DLG1: variants seen among roughly 807,000 people sequenced by gnomAD.
DLG1 encodes disks large homolog 1.
A neutral mutation model predicts 123.4 loss-of-function variants in DLG1; 42 were observed. The observed-to-expected ratio is 0.34, with a 90% confidence interval of 0.27 to 0.44. DLG1 has a LOEUF of 0.44. DLG1 is among the 20% of genes least tolerant of loss of function. The pLI is 1.00. For synonymous variants in DLG1, 317 were observed against 356.2 expected (o/e 0.89, Z 1.24); for missense variants, 942 against 1,082.6 (o/e 0.87, Z 1.82).
intron 24 of DLG1, among the ~76,000 whole-genome samples, chr3:197,051,171 C>T (rs112974546): frequency 6.6e-6 from 1 of 152,110 alleles, no homozygotes; most frequent in Non-Finnish European, 1.5e-5. Context: ...GTCAGGAGTT[C>T]GAGACCAGCC....
At chr3:197,281,041 G>C (rs1485751970) in intron 4 of DLG1, among the ~76,000 whole-genome samples, 4 of 68,986 alleles carry the variant, frequency 5.8e-5, no homozygotes, top group Non-Finnish European at 8.8e-5. Context: ...TTTTTTTTTT[G>C]AGACGGAGTC....
chr3:197,296,527 G>C (rs1034173158), intron 2 of DLG1, 50 bp from the exon 3 acceptor site: 3 of 1,563,960 alleles, frequency 1.9e-6, no homozygotes, highest in Non-Finnish European at 2.6e-6. Context: ...TACAAAAAAA[G>C]TATCACATAC....
chr3:197,282,536 C>T, intron 4 of DLG1, 143 bp downstream of exon 4: 2 of 515,114 alleles, frequency 3.9e-6, no homozygotes, highest in African/African-American at 2.0e-5. Context: ...ATTTTTAACC[C>T]CATTCTCTTT....
intron 5 of DLG1, among the ~76,000 whole-genome samples, chr3:197,166,117 T>G (rs547809558): frequency 6.6e-6 from 1 of 152,072 alleles, no homozygotes; most frequent in East Asian, 1.9e-4. Context: ...CTGTGTGTGG[T>G]TGGAACCCAA....
chr3:197,142,605 A>T, intron 7 of DLG1, 113 bp downstream of exon 7: 1 of 706,570 alleles, frequency 1.4e-6, no homozygotes, highest in Non-Finnish European at 2.1e-6. Context: ...TGAACTGGGA[A>T]CTTAGAAAAT....
intron 5 of DLG1, among the ~76,000 whole-genome samples, chr3:197,155,854 C>T (rs1009572117): frequency 3.3e-5 from 5 of 152,100 alleles, no homozygotes; most frequent in Admixed American, 1.3e-4. Context: ...GAGACTGAGG[C>T]GGGAGAATCG....
intron 4 of DLG1, among the ~76,000 whole-genome samples, chr3:197,199,497 A>G (rs1458850492): frequency 6.6e-6 from 1 of 152,176 alleles, no homozygotes; most frequent in Non-Finnish European, 1.5e-5. Flanking sequence ...ATCCCAACAT[A>G]TCTCATTATG....
At chr3:197,201,341 G>A (rs1382548232) in intron 4 of DLG1, among the ~76,000 whole-genome samples, 10 of 152,168 alleles carry the variant, frequency 6.6e-5, no homozygotes, top group East Asian at 1.9e-4. Flanking sequence ...CCAAGATCGC[G>A]CCACTGCGCT....
intron 24 of DLG1, 111 bp downstream of exon 24, chr3:197,051,466 G>A (rs1727677748): frequency 1.3e-6 from 1 of 791,890 alleles, no homozygotes; most frequent in Non-Finnish European, 2.1e-6. Context: ...GATGATACTA[G>A]TTACTACGGG....
upstream of DLG1, chr3:197,299,181 C>T (rs529298595): frequency 6.6e-6 from 1 of 152,398 alleles, no homozygotes; most frequent in East Asian, 1.9e-4. Context: ...GAAGGGGAAT[C>T]TCGGGAAGCT....
chr3:197,150,786 A>G (rs1395799394), intron 5 of DLG1, among the ~76,000 whole-genome samples: 1 of 152,116 alleles, frequency 6.6e-6, no homozygotes, highest in African/African-American at 2.4e-5. Context: ...CAAATAACAC[A>G]TTATTTTCAG....
intron 1 of DLG1, 200 bp from the exon 2 acceptor site, chr3:197,297,435 T>C: frequency 1.4e-6 from 2 of 1,398,678 alleles, no homozygotes; most frequent in East Asian, 5.4e-5. Context: ...CCCTCCAAAT[T>C]AAGAACAGAC....
chr3:197,217,130 T>G (rs1734503335), intron 4 of DLG1, among the ~76,000 whole-genome samples: 1 of 152,248 alleles, frequency 6.6e-6, no homozygotes, highest in African/African-American at 2.4e-5. Flanking sequence ...TGACAAGAAC[T>G]TGGACCATCC....
intron 14 of DLG1, among the ~76,000 whole-genome samples, chr3:197,094,344 T>G (rs1285413488): frequency 6.6e-6 from 1 of 152,196 alleles, no homozygotes; most frequent in Non-Finnish European, 1.5e-5. Flanking sequence ...AGTCTCACTA[T>G]ATGGTTTGTT....
intron 19 of DLG1, 59 bp downstream of exon 19, chr3:197,069,160 C>T: frequency 8.3e-7 from 1 of 1,206,612 alleles, no homozygotes; most frequent in Non-Finnish European, 1.2e-6. Flanking sequence ...AATCCCTCCA[C>T]CCCTGCAGAG....
intron 4 of DLG1, among the ~76,000 whole-genome samples, chr3:197,253,656 A>G (rs1755488117): frequency 6.6e-6 from 1 of 152,196 alleles, no homozygotes; most frequent in South Asian, 2.1e-4. Flanking sequence ...TAATGGAAAT[A>G]GAGAACAGAT....
intron 18 of DLG1, chr3:197,071,085 T>G (rs749297099): frequency 5.3e-5 from 8 of 152,164 alleles, no homozygotes; most frequent in Non-Finnish European, 1.2e-4. Flanking sequence ...CTTTTAACTT[T>G]CTGTCCTATT....
chr3:197,250,396 C>T (rs1348206801), intron 4 of DLG1, among the ~76,000 whole-genome samples: 3 of 151,570 alleles, frequency 2.0e-5, no homozygotes, highest in African/African-American at 7.3e-5. Flanking sequence ...TGTGAAACCC[C>T]AGGTCTACTA....
intron 14 of DLG1, among the ~76,000 whole-genome samples, chr3:197,097,692 T>G (rs1428884886): frequency 2.7e-5 from 4 of 150,680 alleles, no homozygotes; most frequent in Non-Finnish European, 4.4e-5. Context: ...GTGATTCTCC[T>G]GCCTCAGCCT....
Sources: gnomAD v4.1 joint callset for allele counts (sites outside exome capture counted in the v4.1 genomes callset) on GRCh38, gnomAD v4.1.1 for gene constraint, MANE v1.5 for transcripts, NCBI Gene and HGNC (gene_info 2026-07-23, HGNC 2026-07-21) for gene names.